NACC1: variants seen among roughly 807,000 people sequenced by gnomAD.
The protein encoded by NACC1 is nucleus accumbens-associated protein 1.
NACC1 carries 6 observed loss-of-function variants against 41.7 expected under a neutral mutation model. The observed-to-expected ratio is 0.14, with a 90% CI of 0.08 to 0.28. NACC1 has a LOEUF of 0.28. NACC1 is among the 10% of genes least tolerant of loss of function. The pLI is 1.00. For missense variants in NACC1, 434 were observed against 763.7 expected (o/e 0.57, Z 5.09); for synonymous variants, 338 against 330.6 (o/e 1.02, Z -0.24).
At chr19:13,118,258 C>G (rs533406413), upstream of NACC1, 1 of 149,486 alleles carries the variant, frequency 6.7e-6, no homozygotes, top group Non-Finnish European at 1.5e-5. Context: ...CTTGCGCTCG[C>G]TCGGCGCTCG....
chr19:13,131,940 A>T (rs1157964776), intron 1 of NACC1: 1 of 150,534 alleles, frequency 6.6e-6, no homozygotes, highest in African/African-American at 2.4e-5. Context: ...ACTCACTGCA[A>T]CCTCCACCCT....
intron 1 of NACC1, among the ~76,000 whole-genome samples, chr19:13,119,083 A>C (rs376733434): frequency 4.8e-4 from 27 of 56,404 alleles, no homozygotes; most frequent in East Asian, 3.9e-3. Context: ...GGGGAGGGGG[A>C]GGCTAGATGT....
At position 13,139,157 on chromosome 19, in the gene NACC1, CAG is replaced by C. The variant is rs749390751; in HGVS notation, c.*754_*755del. Reference sequence around the variant, plus strand: ...TAGAATGAGAGGTTTCCAGGGCTGGCAGAGTGTGTGCGTGTGTGTGTGCAGAA... The same window carrying C: ...TAGAATGAGAGGTTTCCAGGGCTGGCAGTGTGTGCGTGTGTGTGTGCAGAA... On this transcript the variant is annotated 3_prime_UTR_variant, in exon 6 of 6. Coordinates refer to ENST00000292431, the MANE Select transcript of NACC1 (RefSeq NM_052876.4). 3.9e-5 allele frequency: 6 copies of C among 152,364 alleles called. No individual in the cohort carries two copies. Among genetic ancestry groups the C allele is most frequent in the Non-Finnish European group, 8.8e-5 (6 of 68,344 alleles). 9.4% of individuals were successfully genotyped at this position (152,364 alleles called of 1,614,324 possible).
At chr19:13,130,444 A>C (rs1374012120) in intron 1 of NACC1, among the ~76,000 whole-genome samples, 4 of 152,020 alleles carry the variant, frequency 2.6e-5, no homozygotes. Flanking sequence ...TAAAGAACTA[A>C]TCTTGAATAA....
intron 1 of NACC1, among the ~76,000 whole-genome samples, chr19:13,132,997 C>T (rs1431595824): frequency 2.0e-5 from 3 of 152,150 alleles, no homozygotes; most frequent in East Asian, 1.9e-4. Flanking sequence ...TCAGACGGAA[C>T]GGGTGTTACC....
Position 13,137,359 on chromosome 19 carries a change from G to C in NACC1, c.1209G>C (p.Leu403=). 2 of 1,613,708 alleles carry C rather than the reference G, an allele frequency of 1.2e-6. No homozygotes were observed. Among genetic ancestry groups the C allele is most frequent in the Non-Finnish European group, 1.7e-6 (2 of 1,179,896 alleles). Residue 403 remains leucine, a synonymous_variant, in exon 4 of 6, where the codon CTG becomes CTC. Coordinates refer to ENST00000292431, the MANE Select transcript of NACC1 (RefSeq NM_052876.4). The surrounding 1 kb of genome is among the most constrained non-coding windows in gnomAD (Gnocchi z 6.1). ...TRHKVLLRRL[L]ASFFDRNTLA... is the part of the protein sequence containing the mutation. ...ACAAGGTCCTACTGCGGCGGCTCCT[G>C]GCCTCCTTCTTTGACCGGTAAGGCC...
Position 13,139,468 on chromosome 19 carries a change from T to TTGGGGGGC in NACC1, c.*1071_*1078dup, listed in dbSNP as rs1404193377. 6.6e-6 allele frequency: 1 copy of TTGGGGGGC among 152,244 alleles called. No individual in the cohort carries two copies. The highest frequency in any genetic ancestry group is 2.4e-5 in the African/African-American group (1 of 41,342). 9.4% of individuals were successfully genotyped at this position (152,244 alleles called of 1,614,324 possible). A position where few individuals can be genotyped will look rare whatever the true frequency, so the allele number is the denominator to read the frequency against. On this transcript the variant is annotated 3_prime_UTR_variant, in exon 6 of 6. Coordinates refer to ENST00000292431, the MANE Select transcript of NACC1 (RefSeq NM_052876.4). ...GGGGGCCTTGGAAGGCAGGGCGGTG[T>TTGGGGGGC]TGGGGGGCTGGGGGGCAGGCTGAAT...
chr19:13,122,290 G>C (rs865797625), intron 1 of NACC1, among the ~76,000 whole-genome samples: 2 of 152,162 alleles, frequency 1.3e-5, no homozygotes, highest in Non-Finnish European at 2.9e-5. Context: ...AAGGGAGAGG[G>C]TAGGTAAGGG....
chr19:13,125,314 G>T (rs1411775072), intron 1 of NACC1, among the ~76,000 whole-genome samples: 1 of 152,122 alleles, frequency 6.6e-6, no homozygotes, highest in East Asian at 1.9e-4. Flanking sequence ...ATCTGCACAG[G>T]GTGGCAAGGA....
At chr19:13,128,604 A>G (rs1436988795) in intron 1 of NACC1, among the ~76,000 whole-genome samples, 1 of 152,154 alleles carries the variant, frequency 6.6e-6, no homozygotes, top group Non-Finnish European at 1.5e-5. Flanking sequence ...CCCATCCACT[A>G]CTGCCCTTCC....
intron 1 of NACC1, among the ~76,000 whole-genome samples, chr19:13,120,521 A>G (rs925805153): frequency 5.3e-5 from 8 of 152,128 alleles, no homozygotes; most frequent in Non-Finnish European, 7.4e-5. Flanking sequence ...CAGTCTCCCT[A>G]TAGTTCCCAG....
At chr19:13,130,905 G>T (rs1287098287) in intron 1 of NACC1, among the ~76,000 whole-genome samples, 1 of 152,136 alleles carries the variant, frequency 6.6e-6, no homozygotes, top group Non-Finnish European at 1.5e-5. Flanking sequence ...CACTCTGTAG[G>T]CCAGGACCCC....
chr19:13,122,197 G>T (rs1449690312), intron 1 of NACC1, among the ~76,000 whole-genome samples: 1 of 152,190 alleles, frequency 6.6e-6, no homozygotes, highest in Non-Finnish European at 1.5e-5. Flanking sequence ...CTGCCTCCTT[G>T]GCGAAGGTCT....
chr19:13,136,244 A>G lies in NACC1; in HGVS notation c.959A>G (p.Glu320Gly). 2 of 1,612,890 alleles carry G rather than the reference A, an allele frequency of 1.2e-6. No individual in the cohort carries two copies. The highest frequency in any genetic ancestry group is 1.7e-6 in the Non-Finnish European group (2 of 1,179,258). The part of the protein sequence containing the change: ...MNVGQTAEKV[E>G]ALPEQVAPES... ...TCTCTCCCTGCAGCCGAGAAGGTGG[A>G]GGCCCTCCCGGAGCAGGTAGCCCCC... is the stretch of plus-strand genomic sequence containing the variant. Residue 320 changes from glutamate to glycine, a missense_variant, in exon 3 of 6, where the codon GAG becomes GGG. This residue lies in a region of NACC1 where 234 missense variants were observed against 308.3 expected (regional missense o/e 0.76). Coordinates refer to ENST00000292431, the MANE Select transcript of NACC1 (RefSeq NM_052876.4). The surrounding 1 kb of genome is among the most constrained non-coding windows in gnomAD (Gnocchi z 5.5).
intron 1 of NACC1, among the ~76,000 whole-genome samples, chr19:13,129,916 T>TAA (rs34106415): frequency 5.4e-5 from 8 of 146,946 alleles, no homozygotes; most frequent in African/African-American, 7.5e-5. Flanking sequence ...ACCCTGTCTT[T>TAA]AAAAAAAAAA....
chr19:13,119,939 A>T (rs1383076307), intron 1 of NACC1, among the ~76,000 whole-genome samples: 2 of 152,144 alleles, frequency 1.3e-5, no homozygotes, highest in African/African-American at 4.8e-5. Flanking sequence ...CTCAGATCAC[A>T]TGAGCAGACA....
At position 13,129,892 on chromosome 19, in the gene NACC1, G is replaced by A. The variant is rs538259930; in HGVS notation, c.-8-5308G>A. On this transcript the variant is annotated intron_variant, in intron 1 of 5. Coordinates refer to ENST00000292431, the MANE Select transcript of NACC1 (RefSeq NM_052876.4). ...AATGGGGGGGTTCAAGACCAGCCTGGACAACATAGTGAGACCCTGTCTTTA... is the reference window on the plus strand; with the variant it reads ...AATGGGGGGGTTCAAGACCAGCCTGAACAACATAGTGAGACCCTGTCTTTA... 1.3e-4 allele frequency among the ~76,000 whole-genome samples: 20 copies of A among 151,168 alleles called. No individual in the cohort carries two copies. The South Asian group carries it at 3.8e-3, about 28-fold the overall frequency.
At chr19:13,117,506 G>A (rs540505415), upstream of NACC1, 1 of 151,898 alleles carries the variant, frequency 6.6e-6, no homozygotes, top group East Asian at 1.9e-4. Context: ...TCCTTGCTGT[G>A]TGATGATCTT....
Position 13,135,531 on chromosome 19 carries a change from G to A in NACC1, c.324G>A (p.Gln108=), listed in dbSNP as rs779387557. The change falls in exon 2 of 6, where the codon CAG becomes CAA. Residue 108 remains glutamine, a synonymous_variant. Transcript: ENST00000292431. ...FLLMYTAGFL[Q]IQEIMEKGTE... The stretch of plus-strand genomic sequence containing the variant: ...TCATGTACACGGCTGGCTTCCTGCA[G>A]ATCCAGGAGATCATGGAGAAGGGCA... 1.9e-5 allele frequency: 31 copies of A among 1,613,046 alleles called. No homozygotes were observed. Among genetic ancestry groups the A allele is most frequent in the Non-Finnish European group, 2.5e-5 (29 of 1,179,756 alleles).
Sources: allele counts gnomAD v4.1 joint callset (sites outside exome capture counted in the v4.1 genomes callset), GRCh38; gene constraint gnomAD v4.1.1; regional missense constraint gnomAD v4.1.1; non-coding constraint Gnocchi (gnomAD v3.1); transcripts MANE v1.5; gene names NCBI Gene and HGNC (gene_info 2026-07-23, HGNC 2026-07-21).